Variants in CDC37 observed in about 807,000 individuals in gnomAD.
CDC37 encodes the protein cell division cycle 37, HSP90 cochaperone.
A neutral mutation model predicts 46.9 loss-of-function variants in CDC37; 9 were observed. The ratio of observed to expected loss-of-function variants is 0.19; its 90% CI spans 0.12 to 0.33. CDC37 has a LOEUF of 0.33. CDC37 is among the 10% of genes least tolerant of loss of function. CDC37 has a pLI of 1.00. For synonymous variants in CDC37, 193 were observed against 191.0 expected (o/e 1.01, Z -0.09); for missense variants, 388 against 514.6 (o/e 0.75, Z 2.38).
At position 10,391,684 on chromosome 19, in the gene CDC37, C is replaced by T. The variant is rs751173951; in HGVS notation, c.1004G>A (p.Arg335His). The T allele has an allele frequency of 1.9e-6, 3 of 1,613,766 alleles. No homozygotes were observed. The highest frequency in any genetic ancestry group is 1.1e-5 in the South Asian group (1 of 91,076). The part of the protein sequence containing the change: ...DPTDAKYHMQ[R>H]CIDSGLWVPN... The stretch of plus-strand genomic sequence containing the variant: ...GACCCAGAGGCCAGAGTCAATGCAG[C>T]GCTGCATGTGGTACTTTGCGTCCTG... Residue 335 changes from arginine to histidine, a missense_variant, in exon 8 of 8, where the codon CGC (arginine) becomes CAC (histidine). Around this residue, in one of 2 missense-constraint regions of CDC37, gnomAD observed 374 missense variants for 467.4 expected, o/e 0.80. Transcript: ENST00000222005.
Position 10,403,176 on chromosome 19 carries a change from G to A in CDC37, c.102+202C>T, listed in dbSNP as rs77600776. ...AATCCCACGCAAAAATCGGAGCAGG[G>A]AGTGGGGGAGCGGAGATCCAGGGCA... On this transcript the variant is annotated intron_variant, in intron 1 of 7. Transcript: ENST00000222005. Among the ~76,000 whole-genome samples the A allele has an allele frequency of 3.6e-3, 551 of 152,232 alleles. 7 individuals are homozygous for A. Among genetic ancestry groups the A allele is most frequent in the African/African-American group, 0.013 (524 of 41,522 alleles).
At position 10,399,629 on chromosome 19, in the gene CDC37, C is replaced by G. The variant is rs546373333; in HGVS notation, c.103-3426G>C. Among the ~76,000 whole-genome samples the G allele has an allele frequency of 1.3e-4, 20 of 151,130 alleles. No individual in the cohort carries two copies. The South Asian group carries it at 3.6e-3, about 27-fold the overall frequency. Reference sequence around the variant, plus strand: ...CCAGCCTAGGCAACATAGTGAGATTCCATCTCTTAAAAAAAAAAAGTTGCT... The same window carrying G: ...CCAGCCTAGGCAACATAGTGAGATTGCATCTCTTAAAAAAAAAAAGTTGCT... On this transcript the variant is annotated intron_variant, in intron 1 of 7. Coordinates refer to ENST00000222005, the MANE Select transcript of CDC37 (RefSeq NM_007065.4).
At position 10,395,851 on chromosome 19, in the gene CDC37, C is replaced by T. The variant is rs965720163; in HGVS notation, c.378+77G>A. ...CCACCGGGGTCCTCCCCTGACCAGG[C>T]ATTGGGTGCGCATGCGTCCTGGTTG... On this transcript the variant is annotated intron_variant, in intron 2 of 7. Coordinates refer to ENST00000222005, the MANE Select transcript of CDC37 (RefSeq NM_007065.4). 4.6e-6 allele frequency: 7 copies of T among 1,507,222 alleles called. No homozygotes were observed. The Admixed American group carries it at 1.2e-4, about 26-fold the overall frequency. 93.4% of individuals were successfully genotyped at this position (1,507,222 alleles called of 1,614,324 possible). A position where few individuals can be genotyped will look rare whatever the true frequency, so the allele number is the denominator to read the frequency against.
chr19:10,401,619 C>T (rs888189448), intron 1 of CDC37, among the ~76,000 whole-genome samples: 1 of 152,178 alleles, frequency 6.6e-6, no homozygotes, highest in African/African-American at 2.4e-5. Flanking sequence ...GAACTTTCTT[C>T]CCACACTCCA....
At chr19:10,397,224 C>T (rs1023102137) in intron 1 of CDC37, among the ~76,000 whole-genome samples, 4 of 152,018 alleles carry the variant, frequency 2.6e-5, no homozygotes, top group African/African-American at 9.7e-5. Flanking sequence ...GTGCAAAGCA[C>T]GGGCTCAGCA....
In CDC37 at chr19:10,393,102, C is replaced by G. The variant is rs1175944561; in HGVS notation, c.965G>C (p.Ser322Thr). 1 of 1,614,036 alleles carries G rather than the reference C, an allele frequency of 6.2e-7. No homozygotes were observed. The highest frequency in any genetic ancestry group is 1.1e-5 in the South Asian group (1 of 91,080). ...GTTACTCACGGTGGGGTCCATCTTG[C>G]TGATGGCGTCCTGCAGCATCTGCAC... ...KDVQMLQDAISKMDPTDAKYH... is the reference protein window; with the variant it reads ...KDVQMLQDAITKMDPTDAKYH... Residue 322 changes from serine (S) to threonine (T), a missense_variant, in exon 7 of 8, where the codon AGC becomes ACC. Ser to Thr is a moderately conservative substitution (Grantham distance 58). Coordinates refer to ENST00000222005, the MANE Select transcript of CDC37 (RefSeq NM_007065.4). The surrounding 1 kb of genome is among the most constrained non-coding windows in gnomAD (Gnocchi z 4.9).
At chr19:10,400,957 C>T (rs1465819041) in intron 1 of CDC37, among the ~76,000 whole-genome samples, 1 of 152,090 alleles carries the variant, frequency 6.6e-6, no homozygotes, top group African/African-American at 2.4e-5. Flanking sequence ...ATGGGGTGGA[C>T]ATCATTCAGA....
At chr19:10,391,817 C>T (rs1386193060) in intron 7 of CDC37, 111 bp from the exon 8 acceptor site, 3 of 1,121,934 alleles carry the variant, frequency 2.7e-6, no homozygotes, top group African/African-American at 1.6e-5. Flanking sequence ...GATATTTTAC[C>T]TATTTGAGAC....
chr19:10,392,151 T>G (rs2042460746), intron 7 of CDC37, among the ~76,000 whole-genome samples: 1 of 152,176 alleles, frequency 6.6e-6, no homozygotes, highest in Admixed American at 6.6e-5. Flanking sequence ...TAGTGCAATC[T>G]AGAACAAAAG....
chr19:10,399,931 T>TAAAAAAAAA (rs56162717), intron 1 of CDC37, among the ~76,000 whole-genome samples: 3 of 48,320 alleles, frequency 6.2e-5, no homozygotes, highest in East Asian at 1.2e-3. Flanking sequence ...GACTCCGTCT[T>TAAAAAAAAA]AAAAAAAAAA....
chr19:10,396,075 G>A lies in CDC37; in HGVS notation c.231C>T (p.Gly77=). The part of the protein sequence containing the change: ...KLKELEVAEG[G]KAELERLQAE... ...CCTGCAGGCGCTCCAGCTCTGCCTTGCCGCCCTCGGCCACCTCCAGCTCCT... is the reference window on the plus strand; with the variant it reads ...CCTGCAGGCGCTCCAGCTCTGCCTTACCGCCCTCGGCCACCTCCAGCTCCT... Residue 77 remains glycine, a synonymous_variant, in exon 2 of 8, where the codon GGC becomes GGT. Coordinates refer to ENST00000222005, the MANE Select transcript of CDC37 (RefSeq NM_007065.4). This position sits in a 1 kb window ranked among gnomAD's most constrained non-coding sequence, Gnocchi z 5.9. The A allele has an allele frequency of 6.2e-7, 1 of 1,613,920 alleles. No individual in the cohort carries two copies. The highest frequency in any genetic ancestry group is 8.5e-7 in the Non-Finnish European group (1 of 1,179,946).
intron 1 of CDC37, among the ~76,000 whole-genome samples, chr19:10,399,463 G>GA (rs55717539): frequency 0.15 from 5,806 of 38,016 alleles, 834 homozygotes; most frequent in Non-Finnish European, 0.2. Context: ...GACCCTGTCT[G>GA]AAAAAAAAAA....
rs903011222 is a variant in CDC37, at chr19:10,396,520, C to A, written c.103-317G>T. Among the ~76,000 whole-genome samples, 1 of 152,172 alleles carries A rather than the reference C, an allele frequency of 6.6e-6. No homozygotes were observed. The highest frequency in any genetic ancestry group is 1.5e-5 in the Non-Finnish European group (1 of 68,042). On this transcript the variant is annotated intron_variant, in intron 1 of 7. Transcript: ENST00000222005. This position sits in a 1 kb window ranked among gnomAD's most constrained non-coding sequence, Gnocchi z 5.9. ...AACTCTTCCTTCCAGCTACACCAGC[C>A]CCTCACTTTTCTCACCTTTTCTTGA...
rs2042483578 is a variant in CDC37 at position 10,395,525 on chromosome 19, G to A, written c.397C>T (p.Pro133Ser). ...GFSKSMVNTK[P>S]EKTEEDSEEV... ...TCTGAGTCCTCCTCCGTCTTCTCGG[G>A]CTTGGTATTTACCATGCTCTGTGGT... is the stretch of plus-strand genomic sequence containing the variant. Residue 133 changes from proline (P) to serine (S), a missense_variant, in exon 3 of 8, where the codon CCC (proline) becomes TCC (serine). Pro to Ser is a moderately conservative substitution (Grantham distance 74, BLOSUM62 -1). Transcript: ENST00000222005. 1.9e-6 allele frequency: 3 copies of A among 1,613,764 alleles called. No homozygotes were observed. Among genetic ancestry groups the A allele is most frequent in the African/African-American group, 2.7e-5 (2 of 74,934 alleles).
At chr19:10,395,403 C>CT (rs2042482211) in intron 3 of CDC37, 32 bp downstream of exon 3, 2 of 1,606,732 alleles carry the variant, frequency 1.2e-6, no homozygotes, top group South Asian at 2.2e-5. Flanking sequence ...CTGCCTCGAC[C>CT]TTGCCCCCCA....
chr19:10,391,827 C>CTCCGTCTCAAATA, intron 7 of CDC37, 121 bp from the exon 8 acceptor site: 3 of 996,840 alleles, frequency 3.0e-6, no homozygotes, highest in Middle Eastern at 3.2e-4. Context: ...CTATTTGAGA[C>CTCCGTCTCAAATA]GGAGTCTCAC....
intron 1 of CDC37, among the ~76,000 whole-genome samples, chr19:10,400,252 G>A (rs528651651): frequency 6.6e-6 from 1 of 152,312 alleles, no homozygotes; most frequent in African/African-American, 2.4e-5. Context: ...TACAGTTAGG[G>A]AAACTGAGGC....
intron 1 of CDC37, 36 bp downstream of exon 1, chr19:10,403,342 C>T: frequency 1.3e-6 from 2 of 1,512,402 alleles, no homozygotes; most frequent in Non-Finnish European, 1.8e-6. Context: ...AAGCGGGGTC[C>T]GGGAGTGGGG....
Position 10,403,526 on chromosome 19 carries a change from C to T in CDC37, c.-47G>A. 1.4e-6 allele frequency: 2 copies of T among 1,446,036 alleles called. No homozygotes were observed. Among genetic ancestry groups the T allele is most frequent in the Non-Finnish European group, 9.7e-7 (1 of 1,036,040 alleles). The allele number at this position is 1,446,036 out of a possible 1,614,324, so 89.6% of individuals were successfully genotyped here. A position where few individuals can be genotyped will look rare whatever the true frequency, so the allele number is the denominator to read the frequency against. On this transcript the variant is annotated 5_prime_UTR_variant, in exon 1 of 8. Transcript: ENST00000222005. ...GCTCCGGCTCGGGTGGCGGCGACGG[C>T]GGCAGCAGTGGAGACTAGGAGCGCG...
Sources: gnomAD v4.1 joint callset for allele counts (sites outside exome capture counted in the v4.1 genomes callset) on GRCh38, gnomAD v4.1.1 for gene constraint, gnomAD v4.1.1 regional missense constraint, Gnocchi (gnomAD v3.1) non-coding constraint, MANE v1.5 for transcripts, NCBI Gene and HGNC (gene_info 2026-07-23, HGNC 2026-07-21) for gene names.